NIBAN2: variants seen among roughly 807,000 people sequenced by gnomAD.
The protein encoded by NIBAN2 is niban apoptosis regulator 2.
Under a neutral mutation model 81.8 loss-of-function variants are expected in NIBAN2, and 36 were observed. The ratio of observed to expected loss-of-function variants is 0.44; its 90% CI spans 0.34 to 0.58. The LOEUF is 0.58. NIBAN2 is among the 20% of genes least tolerant of loss of function. NIBAN2 has a pLI of 0.02. For missense variants in NIBAN2, 897 were observed against 1,014.1 expected, an observed-to-expected ratio of 0.88 and a Z score of 1.57; for synonymous variants, 445 against 441.6, an observed-to-expected ratio of 1.01 and a Z score of -0.10.
In NIBAN2 at chr9:127,507,534, T is replaced by A; in HGVS notation, c.1655-103A>T. ...GACCCGTCTCATCCCGCCTTGGGGG[T>A]CTGTGGTTGGGATGTGACTCATTCC... is the stretch of plus-strand genomic sequence containing the variant. On this transcript the variant is annotated intron_variant, in intron 13 of 13. Coordinates refer to ENST00000373312, the MANE Select transcript of NIBAN2 (RefSeq NM_022833.4). The surrounding 1 kb of genome is among the most constrained non-coding windows in gnomAD (Gnocchi z 6.8). 9.3e-7 allele frequency: 1 copy of A among 1,073,838 alleles called. No individual in the cohort carries two copies. The highest frequency in any genetic ancestry group is 1.3e-6 in the Non-Finnish European group (1 of 763,170). The allele number at this position is 1,073,838 out of a possible 1,614,324, so 66.5% of individuals were successfully genotyped here.
rs750523769 is a variant in NIBAN2 at position 127,506,819 on chromosome 9, T to C, written c.*26A>G. On this transcript the variant is annotated 3_prime_UTR_variant, in exon 14 of 14. Transcript: ENST00000373312. ...GTCCGGAAGGGAACGGCCTGTGCCATGTGCAGCAGTCAGGGACCCACTGGC... is the reference window on the plus strand; with the variant it reads ...GTCCGGAAGGGAACGGCCTGTGCCACGTGCAGCAGTCAGGGACCCACTGGC... The C allele has an allele frequency of 1.0e-5, 16 of 1,566,784 alleles. No homozygotes were observed. The highest frequency in any genetic ancestry group is 5.5e-5 in the Admixed American group (3 of 54,562).
At chr9:127,524,398 T>C (rs1454327420) in intron 4 of NIBAN2, among the ~76,000 whole-genome samples, 1 of 152,204 alleles carries the variant, frequency 6.6e-6, no homozygotes, top group East Asian at 1.9e-4. Flanking sequence ...TAACAGTTCT[T>C]CTTTCTGCCC....
chr9:127,558,898 G>A lies in NIBAN2; in HGVS notation c.55+9922C>T, dbSNP rs138253222. On this transcript the variant is annotated intron_variant, in intron 1 of 13. Coordinates refer to ENST00000373312, the MANE Select transcript of NIBAN2 (RefSeq NM_022833.4). ...CTGCACAGGCCAGGAACTGCGCAGTGCACCTCCCAGAACCTTCACCCAGCC... is the reference window on the plus strand; with the variant it reads ...CTGCACAGGCCAGGAACTGCGCAGTACACCTCCCAGAACCTTCACCCAGCC... Among the ~76,000 whole-genome samples, 13 of 152,022 alleles carry A rather than the reference G, an allele frequency of 8.6e-5. No homozygotes were observed. In the East Asian group the frequency reaches 1.2e-3, roughly 14 times the overall value.
upstream of NIBAN2, among the ~76,000 whole-genome samples, chr9:127,573,993 C>A (rs1248386104): frequency 6.6e-6 from 1 of 152,126 alleles, no homozygotes; most frequent in Non-Finnish European, 1.5e-5. Flanking sequence ...ATATCCTCTG[C>A]CTGCTTTTCT....
At chr9:127,555,469 C>T (rs564286242) in intron 1 of NIBAN2, among the ~76,000 whole-genome samples, 167 of 152,380 alleles carry the variant, frequency 1.1e-3, no homozygotes, top group African/African-American at 3.5e-3. Flanking sequence ...GAAGCCAGCC[C>T]GCCCACCCAG....
chr9:127,548,033 G>C (rs1371359621), intron 1 of NIBAN2, among the ~76,000 whole-genome samples: 1 of 152,174 alleles, frequency 6.6e-6, no homozygotes, highest in Non-Finnish European at 1.5e-5. Flanking sequence ...TAAATGGTCA[G>C]GGTGCCCAGT....
intron 1 of NIBAN2, among the ~76,000 whole-genome samples, chr9:127,542,101 T>G (rs1588173836): frequency 6.6e-6 from 1 of 151,924 alleles, no homozygotes; most frequent in Non-Finnish European, 1.5e-5. Context: ...CACAGGGGAG[T>G]TGCCCAACGT....
At chr9:127,515,900 A>G (rs143471154) in intron 8 of NIBAN2, among the ~76,000 whole-genome samples, 36 of 151,622 alleles carry the variant, frequency 2.4e-4, no homozygotes, top group African/African-American at 8.7e-4. Flanking sequence ...CACTTTGGGA[A>G]GCCAAGGTGG....
At chr9:127,554,204 T>C (rs1269909966) in intron 1 of NIBAN2, among the ~76,000 whole-genome samples, 1 of 152,162 alleles carries the variant, frequency 6.6e-6, no homozygotes, top group Non-Finnish European at 1.5e-5. Flanking sequence ...AGCTAACAAG[T>C]GTTCATGGGA....
chr9:127,541,171 TG>T (rs1837372278), intron 1 of NIBAN2, among the ~76,000 whole-genome samples: 1 of 152,182 alleles, frequency 6.6e-6, no homozygotes, highest in Non-Finnish European at 1.5e-5. Flanking sequence ...AGGGAGAGCT[TG>T]GGGTCCAGAA....
intron 1 of NIBAN2, among the ~76,000 whole-genome samples, chr9:127,561,707 A>G (rs1837777037): frequency 1.3e-5 from 2 of 152,196 alleles, no homozygotes. Flanking sequence ...CCCAGCTCCA[A>G]AAAAATGGGA....
intron 1 of NIBAN2, among the ~76,000 whole-genome samples, chr9:127,568,474 G>A (rs1230196958): frequency 6.6e-6 from 1 of 152,184 alleles, no homozygotes; most frequent in African/African-American, 2.4e-5. Context: ...AACGCTTCTG[G>A]GCGGGGACAG....
intron 1 of NIBAN2, among the ~76,000 whole-genome samples, chr9:127,541,363 G>A (rs776565428): frequency 6.6e-6 from 1 of 152,212 alleles, no homozygotes. Context: ...CACTGCACAT[G>A]CACACTCATT....
intron 1 of NIBAN2, among the ~76,000 whole-genome samples, chr9:127,561,815 CAGG>C (rs1264125199): frequency 6.6e-6 from 1 of 152,220 alleles, no homozygotes. Context: ...AAGATTCTAC[CAGG>C]AGAAGAGAAT....
rs1836592738 is a variant in NIBAN2, at chr9:127,506,266, C to G, written c.*579G>C. The G allele has an allele frequency of 6.6e-6, 1 of 152,568 alleles. No individual in the cohort carries two copies. The highest frequency in any genetic ancestry group is 2.4e-5 in the African/African-American group (1 of 41,422). 9.5% of individuals were successfully genotyped at this position (152,568 alleles called of 1,614,324 possible). A position where few individuals can be genotyped will look rare whatever the true frequency, so the allele number is the denominator to read the frequency against. On this transcript the variant is annotated 3_prime_UTR_variant, in exon 14 of 14. Transcript: ENST00000373312. ...CCAGGCCTGCCCACCCCATGAGGCA[C>G]CCCCTAAATCTCATCTCTCCACCCA...
At chr9:127,538,425 C>T (rs1047242137) in intron 1 of NIBAN2, among the ~76,000 whole-genome samples, 2 of 152,104 alleles carry the variant, frequency 1.3e-5, no homozygotes, top group African/African-American at 4.8e-5. Flanking sequence ...ACAGCGGCTG[C>T]CACCCAGGAA....
chr9:127,529,390 G>A (rs962220444), intron 2 of NIBAN2, among the ~76,000 whole-genome samples: 3 of 152,246 alleles, frequency 2.0e-5, no homozygotes, highest in African/African-American at 4.8e-5. Flanking sequence ...CGTAATCCCA[G>A]CACTTTGGGA....
intron 8 of NIBAN2, among the ~76,000 whole-genome samples, chr9:127,515,585 C>A (rs887423014): frequency 1.3e-5 from 2 of 150,962 alleles, no homozygotes; most frequent in Non-Finnish European, 2.9e-5. Context: ...ACCTGTAATC[C>A]CAGCACTTTG....
intron 3 of NIBAN2, among the ~76,000 whole-genome samples, 185 bp downstream of exon 3, chr9:127,527,009 G>T (rs757634945): frequency 6.6e-6 from 1 of 152,156 alleles, no homozygotes; most frequent in Non-Finnish European, 1.5e-5. Flanking sequence ...ATGAGCTGCC[G>T]TCCAGAGAGG....
Sources: gnomAD v4.1 joint callset for allele counts (sites outside exome capture counted in the v4.1 genomes callset) on GRCh38, gnomAD v4.1.1 for gene constraint, Gnocchi (gnomAD v3.1) non-coding constraint, MANE v1.5 for transcripts, NCBI Gene and HGNC (gene_info 2026-07-23, HGNC 2026-07-21) for gene names.